UBA6: variants seen among roughly 807,000 people sequenced by gnomAD.
UBA6 encodes ubiquitin-like modifier-activating enzyme 6.
In UBA6, 87 loss-of-function variants were observed where a neutral mutation model predicts 148.3. That is an observed-to-expected ratio of 0.59 (90% CI 0.49 to 0.70). The LOEUF is 0.70. Ranked by LOEUF, UBA6 falls within the 30% of genes least tolerant of loss-of-function variation. UBA6 has a pLI of 0.00. For missense variants in UBA6, 1,186 were observed against 1,241.2 expected (o/e 0.96, Z 0.67); for synonymous variants, 376 against 401.0 (o/e 0.94, Z 0.75).
At chr4:67,630,635 T>C (rs1012300250) in intron 25 of UBA6, 100 bp from the exon 26 acceptor site, 3 of 724,172 alleles carry the variant, frequency 4.1e-6, no homozygotes, top group Admixed American at 7.2e-5. Flanking sequence ...TTTGAAGAAA[T>C]ATAACCACAG....
intron 2 of UBA6, among the ~76,000 whole-genome samples, chr4:67,692,861 C>CAT (rs1730727500): frequency 6.6e-6 from 1 of 152,144 alleles, no homozygotes; most frequent in African/African-American, 2.4e-5. Context: ...GAAGATTATA[C>CAT]CATTGAAGAT....
intron 32 of UBA6, among the ~76,000 whole-genome samples, chr4:67,621,472 G>A (rs1728748379): frequency 1.3e-5 from 2 of 152,204 alleles, no homozygotes; most frequent in Non-Finnish European, 2.9e-5. Context: ...TCCCACTCTT[G>A]TGAAATATAT....
Position 67,631,938 on chromosome 4 carries a change from C to T in UBA6, c.2143-30G>A. The T allele has an allele frequency of 2.5e-6, 4 of 1,593,838 alleles. No homozygotes were observed. The South Asian group carries it at 3.4e-5, about 14-fold the overall frequency. On this transcript the variant is annotated intron_variant, in intron 23 of 32. Coordinates refer to ENST00000322244, the MANE Select transcript of UBA6 (RefSeq NM_018227.6). ...AGAAAAAAAATGAATTAAAGACACC[C>T]ACTACTTAATATTATCTGAGGAAAA...
chr4:67,624,239 C>A lies in UBA6; in HGVS notation c.2727G>T (p.Met909Ile), dbSNP rs1257293534. 1.9e-6 allele frequency: 3 copies of A among 1,608,006 alleles called. No individual in the cohort carries two copies. Among genetic ancestry groups the A allele is most frequent in the South Asian group, 1.1e-5 (1 of 89,844 alleles). The change falls in exon 30 of 33, where the codon ATG becomes ATT. Residue 909 changes from methionine (M) to isoleucine (I), a missense_variant. By Grantham distance (10) the Met-to-Ile change is conservative. Coordinates refer to ENST00000322244, the MANE Select transcript of UBA6 (RefSeq NM_018227.6). ...ATVSGLVALEMIKVTGGYPFE... is the reference protein window; with the variant it reads ...ATVSGLVALEIIKVTGGYPFE... The stretch of plus-strand genomic sequence containing the variant: ...ATGGATAGCCACCAGTTACTTTGAT[C>A]ATCTCCAAGGCAACCTAGATAAAAG...
intron 2 of UBA6, among the ~76,000 whole-genome samples, chr4:67,684,850 GTTT>G (rs1306251142): frequency 1.3e-5 from 2 of 152,136 alleles, no homozygotes; most frequent in African/African-American, 4.8e-5. Context: ...ACCACATGTT[GTTT>G]TAAGTGTTTT....
intron 6 of UBA6, among the ~76,000 whole-genome samples, chr4:67,675,029 C>T (rs1277119881): frequency 6.6e-6 from 1 of 152,168 alleles, no homozygotes; most frequent in African/African-American, 2.4e-5. Flanking sequence ...GCCACCATGC[C>T]CAGCTAATTT....
intron 19 of UBA6, chr4:67,638,458 G>T: frequency 6.2e-6 from 1 of 161,462 alleles, no homozygotes; most frequent in South Asian, 1.7e-4. Context: ...CAGGACCCAG[G>T]ACTGATGGCA....
At chr4:67,679,587 A>G (rs1209607604) in intron 4 of UBA6, among the ~76,000 whole-genome samples, 3 of 152,128 alleles carry the variant, frequency 2.0e-5, no homozygotes, top group Non-Finnish European at 4.4e-5. Context: ...ATTATTAACA[A>G]TATTGGAATT....
At chr4:67,627,089 C>A (rs1728885831) in intron 27 of UBA6, among the ~76,000 whole-genome samples, 1 of 151,714 alleles carries the variant, frequency 6.6e-6, no homozygotes, top group South Asian at 2.1e-4. Context: ...GAGTACATAC[C>A]ACAAGTAATT....
intron 13 of UBA6, 88 bp downstream of exon 13, chr4:67,662,100 TG>T: frequency 7.8e-7 from 1 of 1,283,744 alleles, no homozygotes; most frequent in Non-Finnish European, 1.1e-6. Context: ...GTAGCAAAGC[TG>T]GATGTGAAGG....
intron 13 of UBA6, among the ~76,000 whole-genome samples, chr4:67,653,338 C>A (rs1468662729): frequency 1.3e-5 from 2 of 152,144 alleles, no homozygotes; most frequent in Non-Finnish European, 2.9e-5. Context: ...GAGGAAGGAT[C>A]AGGCAGCAAT....
chr4:67,650,035 C>T (rs1358951370), intron 13 of UBA6, among the ~76,000 whole-genome samples: 1 of 152,022 alleles, frequency 6.6e-6, no homozygotes, highest in African/African-American at 2.4e-5. Flanking sequence ...CTTACTATTC[C>T]ACCCCTCCAT....
chr4:67,625,924 A>AC (rs1302702682), intron 28 of UBA6, among the ~76,000 whole-genome samples: 1 of 151,980 alleles, frequency 6.6e-6, no homozygotes, highest in African/African-American at 2.4e-5. Flanking sequence ...CCTAATTACT[A>AC]AAGACTAAGA....
chr4:67,687,459 C>T (rs1730600478), intron 2 of UBA6, among the ~76,000 whole-genome samples: 1 of 152,196 alleles, frequency 6.6e-6, no homozygotes. Context: ...ACTCTTACAT[C>T]TGTCTCCAAA....
chr4:67,700,067 C>A (rs1730940628), intron 1 of UBA6, among the ~76,000 whole-genome samples: 1 of 152,162 alleles, frequency 6.6e-6, no homozygotes, highest in Non-Finnish European at 1.5e-5. Context: ...GTGACTGGCC[C>A]TTTTCAGAAA....
chr4:67,648,573 C>T (rs560576692), intron 14 of UBA6, among the ~76,000 whole-genome samples: 1 of 152,072 alleles, frequency 6.6e-6, no homozygotes, highest in East Asian at 1.9e-4. Flanking sequence ...ACACCTTGTG[C>T]CAATTATTTC....
intron 7 of UBA6, among the ~76,000 whole-genome samples, chr4:67,672,591 G>C (rs1239749263): frequency 6.6e-6 from 1 of 152,162 alleles, no homozygotes; most frequent in African/African-American, 2.4e-5. Context: ...CGAAGATCTT[G>C]TAACGTATGG....
At chr4:67,664,486 TG>T (rs1729942648) in intron 10 of UBA6, among the ~76,000 whole-genome samples, 1 of 152,006 alleles carries the variant, frequency 6.6e-6, no homozygotes. Flanking sequence ...TGTAAACGAC[TG>T]GAGTTGTTAA....
chr4:67,633,488 A>G lies in UBA6; in HGVS notation c.2014-15T>C, dbSNP rs200805228. ...CTCTGTATCTTCTAGAATGGGAGAG[A>G]AAAAAAAAATCAACATACTTCCAAT... On this transcript the variant is annotated splice_polypyrimidine_tract_variant and intron_variant, in intron 22 of 32. Coordinates refer to ENST00000322244, the MANE Select transcript of UBA6 (RefSeq NM_018227.6). 4.8e-6 allele frequency: 7 copies of G among 1,453,740 alleles called. No individual in the cohort carries two copies. In the East Asian group the frequency reaches 1.2e-4, roughly 26 times the overall value. 90.1% of individuals were successfully genotyped at this position (1,453,740 alleles called of 1,614,324 possible).
Sources: gnomAD v4.1 joint callset for allele counts (sites outside exome capture counted in the v4.1 genomes callset) on GRCh38, gnomAD v4.1.1 for gene constraint, MANE v1.5 for transcripts, NCBI Gene and HGNC (gene_info 2026-07-23, HGNC 2026-07-21) for gene names.